The following FHIT variants were observed in gnomAD, a reference collection of about 807,000 sequenced individuals.
FHIT encodes bis(5'-adenosyl)-triphosphatase.
A neutral mutation model predicts 17.9 loss-of-function variants in FHIT; 19 were observed. The observed-to-expected ratio is 1.06, with a 90% CI of 0.74 to 1.56. FHIT has a LOEUF of 1.56. FHIT is among the 40% of genes most tolerant of loss of function. The pLI is 0.00. For synonymous variants in FHIT, 81 were observed against 69.7 expected (o/e 1.16, Z -0.81); for missense variants, 248 against 189.2 (o/e 1.31, Z -1.82).
intron 5 of FHIT, among the ~76,000 whole-genome samples, chr3:60,518,173 C>G (rs1281954400): frequency 2.0e-5 from 3 of 152,128 alleles, no homozygotes; most frequent in African/African-American, 7.2e-5. Flanking sequence ...GACAAAATTT[C>G]TACATGTTAA....
chr3:60,695,055 G>T (rs1553700313), intron 4 of FHIT, among the ~76,000 whole-genome samples: 1 of 152,054 alleles, frequency 6.6e-6, no homozygotes, highest in Non-Finnish European at 1.5e-5. Flanking sequence ...AGAACTTAAA[G>T]TATAATAATA....
chr3:60,571,768 TC>T (rs1363634232), intron 4 of FHIT, among the ~76,000 whole-genome samples: 1 of 151,858 alleles, frequency 6.6e-6, no homozygotes, highest in Non-Finnish European at 1.5e-5. Flanking sequence ...GAAAGAGTGT[TC>T]TTTGAAAAAC....
chr3:60,963,279 C>G (rs1307499015), intron 3 of FHIT, among the ~76,000 whole-genome samples: 1 of 152,048 alleles, frequency 6.6e-6, no homozygotes, highest in South Asian at 2.1e-4. Context: ...GGTGATATCC[C>G]CTTTATCATT....
chr3:60,928,743 A>C (rs1553770779), intron 3 of FHIT, among the ~76,000 whole-genome samples: 18 of 152,152 alleles, frequency 1.2e-4, no homozygotes. Flanking sequence ...CAACCAAAAA[A>C]ATCCAGGACC....
intron 2 of FHIT, chr3:61,165,707 T>C (rs1443771946): frequency 6.6e-6 from 1 of 152,174 alleles, no homozygotes; most frequent in South Asian, 2.1e-4. Flanking sequence ...TGGTGGCGCA[T>C]GCCTGTAATA....
intron 3 of FHIT, among the ~76,000 whole-genome samples, chr3:61,021,598 C>CAA (rs34870709): frequency 0.015 from 935 of 63,604 alleles, 19 homozygotes; most frequent in African/African-American, 0.037. Flanking sequence ...GACTCCGTCT[C>CAA]AAAAAAAAAA....
rs139638629 is a variant in FHIT at position 60,096,520 on chromosome 3, T to G, written c.104-82368A>C. Reference sequence around the variant, plus strand: ...GACCAGCAGTCTGGTCTTTCAGCCTTCAGGCTGTTTCTGTTGGTTCGGAGG... The same window carrying G: ...GACCAGCAGTCTGGTCTTTCAGCCTGCAGGCTGTTTCTGTTGGTTCGGAGG... On this transcript the variant is annotated intron_variant, in intron 5 of 9. Transcript: ENST00000492590. Among the ~76,000 whole-genome samples the G allele has an allele frequency of 3.3e-3, 508 of 152,296 alleles. 2 individuals are homozygous for G. Among genetic ancestry groups the G allele is most frequent in the African/African-American group, 0.011 (478 of 41,566 alleles).
At chr3:60,400,522 G>A (rs970473131) in intron 5 of FHIT, among the ~76,000 whole-genome samples, 3 of 152,158 alleles carry the variant, frequency 2.0e-5, no homozygotes, top group African/African-American at 4.8e-5. Flanking sequence ...CCTTGGGTTA[G>A]TAGAGCACTG....
intron 2 of FHIT, among the ~76,000 whole-genome samples, chr3:61,063,728 A>G (rs1008521846): frequency 2.0e-5 from 3 of 152,192 alleles, no homozygotes; most frequent in African/African-American, 4.8e-5. Context: ...ACTGAAACAC[A>G]TGCCTCAAGG....
intron 3 of FHIT, among the ~76,000 whole-genome samples, chr3:60,903,057 A>G (rs1553763609): frequency 1.3e-5 from 2 of 152,238 alleles, no homozygotes; most frequent in African/African-American, 4.8e-5. Flanking sequence ...AATGCAGAGA[A>G]TAATTCCTTA....
chr3:61,100,207 C>T (rs1187893711), intron 2 of FHIT, among the ~76,000 whole-genome samples: 14 of 152,098 alleles, frequency 9.2e-5, no homozygotes, highest in Admixed American at 7.9e-4. Flanking sequence ...CTATCCCTCT[C>T]CCAGCCCCAC....
chr3:60,668,884 T>C (rs1445632462), intron 4 of FHIT, among the ~76,000 whole-genome samples: 1 of 152,176 alleles, frequency 6.6e-6, no homozygotes, highest in East Asian at 1.9e-4. Context: ...TTCAGCGCTC[T>C]CATTTGGTTG....
chr3:61,146,745 T>C (rs1384396024), intron 2 of FHIT, among the ~76,000 whole-genome samples: 2 of 152,018 alleles, frequency 1.3e-5, no homozygotes, highest in African/African-American at 2.4e-5. Context: ...AGCAGTTCCA[T>C]AGAATTCCTC....
chr3:60,200,459 C>T (rs1400445257), intron 5 of FHIT, among the ~76,000 whole-genome samples: 4 of 152,070 alleles, frequency 2.6e-5, no homozygotes, highest in Non-Finnish European at 5.9e-5. Flanking sequence ...ATATCCCTGG[C>T]ATTTTCCTAT....
At chr3:59,978,917 G>C (rs1034290663) in intron 7 of FHIT, among the ~76,000 whole-genome samples, 1 of 152,040 alleles carries the variant, frequency 6.6e-6, no homozygotes, top group African/African-American at 2.4e-5. Context: ...AAGACAATGT[G>C]TCAAGTTTCC....
intron 2 of FHIT, among the ~76,000 whole-genome samples, chr3:61,092,236 C>G (rs917328057): frequency 1.3e-5 from 2 of 151,898 alleles, no homozygotes; most frequent in Non-Finnish European, 2.9e-5. Context: ...AGGCTATTCC[C>G]CAAGGGAAAA....
chr3:60,988,943 TG>T (rs1230400761), intron 3 of FHIT, among the ~76,000 whole-genome samples: 21 of 102,082 alleles, frequency 2.1e-4, no homozygotes, highest in South Asian at 3.5e-4. Flanking sequence ...GCCATGGCTT[TG>T]TTAAAAAAAA....
At chr3:60,880,530 C>A (rs189239474) in intron 3 of FHIT, among the ~76,000 whole-genome samples, 48 of 152,298 alleles carry the variant, frequency 3.2e-4, no homozygotes, top group Non-Finnish European at 5.6e-4. Context: ...GTTGGGAGTT[C>A]AAGACCAGCC....
intron 5 of FHIT, among the ~76,000 whole-genome samples, chr3:60,369,126 A>G (rs1204452323): frequency 6.7e-6 from 1 of 149,714 alleles, no homozygotes; most frequent in Non-Finnish European, 1.5e-5. Context: ...GTGTGCACCA[A>G]CACGCCTTGC....
Sources: gnomAD v4.1 joint callset for allele counts (sites outside exome capture counted in the v4.1 genomes callset) on GRCh38, gnomAD v4.1.1 for gene constraint, MANE v1.5 for transcripts, NCBI Gene and HGNC (gene_info 2026-07-23, HGNC 2026-07-21) for gene names.